The following STAG1 variants were observed in gnomAD, a reference collection of about 807,000 sequenced individuals.
The protein encoded by STAG1 is STAG1 cohesin complex component.
A neutral mutation model predicts 170.9 loss-of-function variants in STAG1; 26 were observed. That is an observed-to-expected ratio of 0.15 (90% CI 0.11 to 0.21). The LOEUF is 0.21. STAG1 is among the 10% of genes least tolerant of loss of function. STAG1 has a pLI of 1.00. For missense variants in STAG1, 964 were observed against 1,509.5 expected (o/e 0.64, Z 5.99); for synonymous variants, 514 against 497.7 (o/e 1.03, Z -0.44).
At chr3:136,632,456 G>A (rs896256660) in intron 1 of STAG1, among the ~76,000 whole-genome samples, 5 of 152,084 alleles carry the variant, frequency 3.3e-5, no homozygotes, top group African/African-American at 1.2e-4. Context: ...GCAACTTGCT[G>A]GTACCTGTGG....
At chr3:136,406,872 C>T (rs1201672624) in intron 21 of STAG1, among the ~76,000 whole-genome samples, 5 of 152,222 alleles carry the variant, frequency 3.3e-5, no homozygotes, top group African/African-American at 1.2e-4. Flanking sequence ...AGAATGGATA[C>T]GAAGCAGGCT....
At chr3:136,725,661 G>A (rs911362378) in intron 1 of STAG1, among the ~76,000 whole-genome samples, 3 of 152,076 alleles carry the variant, frequency 2.0e-5, no homozygotes, top group Non-Finnish European at 2.9e-5. Context: ...CATATGCCAC[G>A]CAATACAAAT....
At chr3:136,451,767 GAA>G (rs1294376245) in intron 14 of STAG1, among the ~76,000 whole-genome samples, 1 of 123,272 alleles carries the variant, frequency 8.1e-6, no homozygotes, top group South Asian at 2.5e-4. Flanking sequence ...TGTCTCAAAA[GAA>G]AAAAAAAAAA....
At chr3:136,691,173 C>T (rs1291912257) in intron 1 of STAG1, among the ~76,000 whole-genome samples, 3 of 151,718 alleles carry the variant, frequency 2.0e-5, no homozygotes, top group Non-Finnish European at 4.4e-5. Context: ...CAGTGGCTCA[C>T]GTCTGTAATC....
At chr3:136,360,763 G>A (rs1443674753) in intron 26 of STAG1, among the ~76,000 whole-genome samples, 1 of 151,992 alleles carries the variant, frequency 6.6e-6, no homozygotes, top group Admixed American at 6.6e-5. Flanking sequence ...CCACCTCCTG[G>A]GTTCATGTCA....
chr3:136,469,803 C>T (rs1300624841), intron 12 of STAG1, among the ~76,000 whole-genome samples: 3 of 152,150 alleles, frequency 2.0e-5, no homozygotes, highest in Non-Finnish European at 4.4e-5. Context: ...ACCAATGGAA[C>T]AGAACAGAGC....
chr3:136,566,144 A>G (rs1268548601), intron 5 of STAG1, among the ~76,000 whole-genome samples: 2 of 152,182 alleles, frequency 1.3e-5, no homozygotes, highest in African/African-American at 2.4e-5. Context: ...GTGTCCTCCC[A>G]AAATTCCTAT....
At chr3:136,646,140 CTCT>C (rs1941002880) in intron 1 of STAG1, among the ~76,000 whole-genome samples, 1 of 150,944 alleles carries the variant, frequency 6.6e-6, no homozygotes, top group African/African-American at 2.4e-5. Flanking sequence ...GTCTACGTGT[CTCT>C]TCTTCATCTC....
chr3:136,647,010 T>G (rs765419208), intron 1 of STAG1, among the ~76,000 whole-genome samples: 2 of 152,194 alleles, frequency 1.3e-5, no homozygotes, highest in African/African-American at 4.8e-5. Context: ...ATGATACACA[T>G]GCTAATTACT....
At chr3:136,413,827 A>G (rs1316565683) in intron 21 of STAG1, among the ~76,000 whole-genome samples, 1 of 152,192 alleles carries the variant, frequency 6.6e-6, no homozygotes, top group East Asian at 1.9e-4. Flanking sequence ...AATCACTAGG[A>G]GGAGAAAAAA....
chr3:136,398,970 G>C (rs974723105), intron 21 of STAG1, 141 bp from the exon 22 acceptor site: 28 of 412,196 alleles, frequency 6.8e-5, no homozygotes, highest in Admixed American at 2.2e-4. Context: ...TAATTAATGA[G>C]AATGTATAAA....
intron 21 of STAG1, among the ~76,000 whole-genome samples, chr3:136,407,130 G>A (rs549353294): frequency 2.6e-5 from 4 of 152,226 alleles, no homozygotes; most frequent in Admixed American, 6.5e-5. Context: ...GGGTTCAAGC[G>A]ATTCTCCTGC....
intron 4 of STAG1, among the ~76,000 whole-genome samples, chr3:136,587,752 G>A (rs1017831547): frequency 3.9e-5 from 6 of 151,962 alleles, no homozygotes; most frequent in African/African-American, 1.2e-4. Context: ...GTCAGGAGGT[G>A]GAGACCAGCT....
intron 32 of STAG1, among the ~76,000 whole-genome samples, chr3:136,338,817 CA>C (rs1285683191): frequency 6.6e-6 from 1 of 152,142 alleles, no homozygotes; most frequent in Non-Finnish European, 1.5e-5. Context: ...TTCCCCAAAG[CA>C]GGTAGATGGA....
At chr3:136,408,362 CAT>C (rs1166655805) in intron 21 of STAG1, among the ~76,000 whole-genome samples, 3 of 152,122 alleles carry the variant, frequency 2.0e-5, no homozygotes, top group Non-Finnish European at 4.4e-5. Context: ...CATGGATACA[CAT>C]AGTTAAGAGT....
intron 1 of STAG1, among the ~76,000 whole-genome samples, chr3:136,674,804 A>G (rs1336630559): frequency 1.3e-5 from 2 of 152,186 alleles, no homozygotes; most frequent in East Asian, 3.8e-4. Context: ...TTTTTTAAAA[A>G]GCTAAATGAA....
At chr3:136,499,239 G>A (rs1006969991) in intron 9 of STAG1, among the ~76,000 whole-genome samples, 2 of 152,154 alleles carry the variant, frequency 1.3e-5, no homozygotes, top group Non-Finnish European at 2.9e-5. Flanking sequence ...AGACTGGAGT[G>A]CAGTGGCGCA....
At chr3:136,504,237 A>G (rs544908147) in intron 7 of STAG1, among the ~76,000 whole-genome samples, 1 of 152,330 alleles carries the variant, frequency 6.6e-6, no homozygotes, top group African/African-American at 2.4e-5. Flanking sequence ...CTGAAAAACA[A>G]ATGTAAACAT....
intron 3 of STAG1, among the ~76,000 whole-genome samples, chr3:136,611,418 G>A (rs563771680): frequency 6.6e-6 from 1 of 151,906 alleles, no homozygotes; most frequent in Admixed American, 6.6e-5. Flanking sequence ...CAAAGTGCTG[G>A]GATTACAGGT....
Sources: allele counts gnomAD v4.1 joint callset (sites outside exome capture counted in the v4.1 genomes callset), GRCh38; gene constraint gnomAD v4.1.1; transcripts MANE v1.5; gene names NCBI Gene and HGNC (gene_info 2026-07-23, HGNC 2026-07-21).